The following ITGB5 variants were observed in gnomAD, a reference collection of about 807,000 sequenced individuals.
The protein encoded by ITGB5 is integrin beta-5.
Under a neutral mutation model 84.8 loss-of-function variants are expected in ITGB5, and 38 were observed. The ratio of observed to expected loss-of-function variants is 0.45; its 90% CI spans 0.35 to 0.59. ITGB5 has a LOEUF of 0.59. Ranked by LOEUF, ITGB5 falls within the 20% of genes least tolerant of loss-of-function variation. The pLI is 0.01. For synonymous variants in ITGB5, 393 were observed against 414.4 expected (o/e 0.95, Z 0.63); for missense variants, 905 against 1,034.5 (o/e 0.87, Z 1.72).
chr3:124,822,912 G>A lies in ITGB5; in HGVS notation c.781-1438C>T, dbSNP rs181591795. Among the ~76,000 whole-genome samples, 22 of 152,266 alleles carry A rather than the reference G, an allele frequency of 1.4e-4. No homozygotes were observed. In the East Asian group the frequency reaches 4.2e-3, roughly 29 times the overall value. Reference sequence around the variant, plus strand: ...CCAGGGAGAGGAGGAGGAGGGAGAGGCTTCCCAGCGCAGACGAAACTTAAA... The same window carrying A: ...CCAGGGAGAGGAGGAGGAGGGAGAGACTTCCCAGCGCAGACGAAACTTAAA... On this transcript the variant is annotated intron_variant, in intron 5 of 14. Coordinates refer to ENST00000296181, the MANE Select transcript of ITGB5 (RefSeq NM_002213.5).
chr3:124,773,677 G>GTGGAACCAGTACCTC lies in ITGB5; in HGVS notation c.1914_1916+12dup. On this transcript the variant is annotated intron_variant, in intron 11 of 14. Transcript: ENST00000296181. The stretch of plus-strand genomic sequence containing the variant: ...GGTGAGAAGTAAGGTGGGGCTGTCA[G>GTGGAACCAGTACCTC]TGGAACCAGTACCTCTTGGTGCTGC... 1 of 1,610,276 alleles carries GTGGAACCAGTACCTC rather than the reference G, an allele frequency of 6.2e-7. No individual in the cohort carries two copies. Among genetic ancestry groups the GTGGAACCAGTACCTC allele is most frequent in the Non-Finnish European group, 8.5e-7 (1 of 1,178,480 alleles).
chr3:124,895,701 A>C (rs1025615506), intron 1 of ITGB5, among the ~76,000 whole-genome samples: 1 of 152,164 alleles, frequency 6.6e-6, no homozygotes, highest in African/African-American at 2.4e-5. Flanking sequence ...GGTACACAAG[A>C]AGCCATGGCT....
intron 8 of ITGB5, among the ~76,000 whole-genome samples, chr3:124,816,871 C>T (rs1026755336): frequency 4.6e-5 from 7 of 152,146 alleles, no homozygotes; most frequent in South Asian, 2.1e-4. Flanking sequence ...GCCCCATTCA[C>T]GAACCCTCTG....
intron 2 of ITGB5, among the ~76,000 whole-genome samples, chr3:124,871,810 A>G (rs1934065650): frequency 1.3e-5 from 2 of 152,036 alleles, no homozygotes; most frequent in Admixed American, 6.6e-5. Context: ...TGGGTGACAG[A>G]GCAAGATCCT....
chr3:124,806,538 A>G (rs1579226840), intron 9 of ITGB5, among the ~76,000 whole-genome samples: 1 of 140,832 alleles, frequency 7.1e-6, no homozygotes, highest in Non-Finnish European at 1.5e-5. Flanking sequence ...GGTTCATGCC[A>G]TTCTCCTGCC....
chr3:124,844,241 C>G (rs1183411113), intron 4 of ITGB5, among the ~76,000 whole-genome samples: 2 of 131,006 alleles, frequency 1.5e-5, no homozygotes, highest in African/African-American at 5.8e-5. Flanking sequence ...AAGAAAACAC[C>G]AAAAAACAAA....
intron 3 of ITGB5, among the ~76,000 whole-genome samples, chr3:124,856,707 G>T (rs562518710): frequency 6.6e-6 from 1 of 152,246 alleles, no homozygotes; most frequent in East Asian, 1.9e-4. Context: ...TGATAAAAAA[G>T]AAAATACACT....
chr3:124,792,858 G>A (rs549790555), intron 10 of ITGB5: 1 of 151,988 alleles, frequency 6.6e-6, no homozygotes, highest in East Asian at 1.9e-4. Context: ...AGGATTGTGG[G>A]TTCTGATGAT....
At position 124,848,292 on chromosome 3, in the gene ITGB5, G is replaced by A. The variant is rs747146066; in HGVS notation, c.611+17C>T. The A allele has an allele frequency of 1.9e-6, 3 of 1,611,662 alleles. No homozygotes were observed. The highest frequency in any genetic ancestry group is 1.3e-5 in the African/African-American group (1 of 74,848). ...CCCACCCTTAAGTACCCAACAGAAG[G>A]GCAACTGGTCACTTACCCAATGCAC... On this transcript the variant is annotated intron_variant, in intron 4 of 14. Transcript: ENST00000296181.
intron 1 of ITGB5, among the ~76,000 whole-genome samples, chr3:124,883,588 AG>A (rs1262921265): frequency 6.6e-6 from 1 of 152,188 alleles, no homozygotes; most frequent in Non-Finnish European, 1.5e-5. Flanking sequence ...GAAATGTGGT[AG>A]GGGGTTGGGG....
At position 124,796,422 on chromosome 3, in the gene ITGB5, G is replaced by C; in HGVS notation, c.1659C>G (p.Phe553Leu). 6.2e-7 allele frequency: 1 copy of C among 1,613,706 alleles called. No homozygotes were observed. The highest frequency in any genetic ancestry group is 8.5e-7 in the Non-Finnish European group (1 of 1,179,726). The stretch of plus-strand genomic sequence containing the variant: ...GGACTCCCTTGTTCCTGGCACAGGA[G>C]AAGTTGTCGCACTCACAGAAAGGCC... Reference protein sequence around the residue: ...IYGPFCECDNFSCARNKGVLC... With the variant: ...IYGPFCECDNLSCARNKGVLC... The change falls in exon 10 of 15, where the codon TTC (phenylalanine) becomes TTG (leucine). Residue 553 changes from phenylalanine to leucine, a missense_variant. By Grantham distance (22) the Phe-to-Leu change is conservative (BLOSUM62 0). This residue lies in a region of ITGB5 where 656 missense variants were observed against 734.7 expected (regional missense o/e 0.89). Coordinates refer to ENST00000296181, the MANE Select transcript of ITGB5 (RefSeq NM_002213.5).
At chr3:124,868,955 T>C (rs1244564429) in intron 2 of ITGB5, among the ~76,000 whole-genome samples, 1 of 152,148 alleles carries the variant, frequency 6.6e-6, no homozygotes, top group Non-Finnish European at 1.5e-5. Flanking sequence ...TCATACATGA[T>C]ACCTGTGGGA....
upstream of ITGB5, chr3:124,887,681 G>C (rs1217571783): frequency 4.4e-6 from 2 of 451,580 alleles, no homozygotes; most frequent in Non-Finnish European, 8.9e-6. Flanking sequence ...AAGGGGCGGG[G>C]CACGCTGTAT....
At chr3:124,884,910 C>A (rs1463400734) in intron 1 of ITGB5, among the ~76,000 whole-genome samples, 1 of 152,044 alleles carries the variant, frequency 6.6e-6, no homozygotes, top group Non-Finnish European at 1.5e-5. Flanking sequence ...ATGGACATCA[C>A]CGTGAAGATG....
intron 5 of ITGB5, among the ~76,000 whole-genome samples, chr3:124,827,564 G>A (rs2064800527): frequency 1.3e-5 from 2 of 152,204 alleles, no homozygotes; most frequent in South Asian, 4.2e-4. Context: ...TAAAATTTAA[G>A]ACTGACCACA....
Position 124,764,496 on chromosome 3 carries a change from A to AAGGAGGATGCTACCGACCACAGCC in ITGB5, c.2175_2198dup (p.Ala726_Leu733dup). The AAGGAGGATGCTACCGACCACAGCC allele has an allele frequency of 6.2e-7, 1 of 1,613,936 alleles. No homozygotes were observed. The highest frequency in any genetic ancestry group is 1.1e-5 in the South Asian group (1 of 91,060). ...AGATAGCCAGGAGTGCAAGCCCAACAAGGAGGATGCTACCGACCACAGCCA... is the reference window on the plus strand; with the variant it reads ...AGATAGCCAGGAGTGCAAGCCCAACAAGGAGGATGCTACCGACCACAGCCAGGAGGATGCTACCGACCACAGCCA... On this transcript the variant is annotated inframe_insertion, in exon 14 of 15. Transcript: ENST00000296181.
intron 4 of ITGB5, among the ~76,000 whole-genome samples, chr3:124,845,490 G>A (rs1206405047): frequency 6.6e-6 from 1 of 152,212 alleles, no homozygotes. Context: ...ACTCAGGCCC[G>A]AGGTTTCCTT....
chr3:124,784,498 A>AAAC (rs1230713989), intron 10 of ITGB5, among the ~76,000 whole-genome samples: 13 of 152,304 alleles, frequency 8.5e-5, no homozygotes, highest in South Asian at 4.1e-4. Flanking sequence ...ACCCTATCTC[A>AAAC]AACAACAACA....
chr3:124,796,944 C>T (rs1030525856), intron 9 of ITGB5, 127 bp from the exon 10 acceptor site: 26 of 858,942 alleles, frequency 3.0e-5, no homozygotes, highest in Middle Eastern at 3.5e-4. Flanking sequence ...CAGGTAGAAC[C>T]ACCAAGATGG....
Sources: gnomAD v4.1 joint callset for allele counts (sites outside exome capture counted in the v4.1 genomes callset) on GRCh38, gnomAD v4.1.1 for gene constraint, gnomAD v4.1.1 regional missense constraint, MANE v1.5 for transcripts, NCBI Gene and HGNC (gene_info 2026-07-23, HGNC 2026-07-21) for gene names.